The following EIF3H variants were observed in gnomAD, a reference collection of about 807,000 sequenced individuals.
The protein encoded by EIF3H is eIF-3-gamma.
In EIF3H, 26 loss-of-function variants were observed where a neutral mutation model predicts 44.2. The ratio of observed to expected loss-of-function variants is 0.59; its 90% confidence interval spans 0.43 to 0.82. The LOEUF (loss-of-function observed/expected upper bound fraction) is 0.82. Among genes scored for constraint, EIF3H ranks in the 40% least tolerant of loss-of-function variants. The pLI is 0.00. For synonymous variants in EIF3H, 166 were observed against 151.9 expected (o/e 1.09, Z -0.68); for missense variants, 359 against 432.8 (o/e 0.83, Z 1.51).
At chr8:116,742,943 C>T (rs1815155361) in intron 1 of EIF3H, among the ~76,000 whole-genome samples, 1 of 152,158 alleles carries the variant, frequency 6.6e-6, no homozygotes, top group South Asian at 2.1e-4. Context: ...AAAAAGCGCA[C>T]CACAGTAAGT....
At chr8:116,713,276 T>C (rs1352067263) in intron 2 of EIF3H, among the ~76,000 whole-genome samples, 1 of 152,108 alleles carries the variant, frequency 6.6e-6, no homozygotes, top group Non-Finnish European at 1.5e-5. Context: ...TGCACAAAAT[T>C]TGAACAGGTT....
intron 1 of EIF3H, among the ~76,000 whole-genome samples, chr8:116,731,163 T>C (rs897734850): frequency 1.3e-5 from 2 of 152,232 alleles, no homozygotes; most frequent in African/African-American, 4.8e-5. Context: ...TTGTGATACA[T>C]ATACACTCAG....
chr8:116,679,201 C>T (rs1242425134), intron 2 of EIF3H, among the ~76,000 whole-genome samples: 16 of 70,524 alleles, frequency 2.3e-4, no homozygotes, highest in East Asian at 5.8e-4. Flanking sequence ...CCAGCCGCCC[C>T]GTCCGGGAGG....
At chr8:116,680,854 AAAG>A (rs953245606) in intron 2 of EIF3H, among the ~76,000 whole-genome samples, 16 of 151,402 alleles carry the variant, frequency 1.1e-4, no homozygotes, top group South Asian at 6.3e-4. Context: ...AAATAAAAAA[AAAG>A]AAAGTTAGCA....
intron 1 of EIF3H, among the ~76,000 whole-genome samples, chr8:116,730,448 G>A (rs1032344649): frequency 5.3e-5 from 8 of 152,002 alleles, no homozygotes; most frequent in South Asian, 2.1e-4. Context: ...TCACATCCCC[G>A]CAACCCCCCA....
At chr8:116,745,674 T>C (rs1455965527) in intron 1 of EIF3H, among the ~76,000 whole-genome samples, 2 of 152,194 alleles carry the variant, frequency 1.3e-5, no homozygotes, top group South Asian at 2.1e-4. Flanking sequence ...CTCATCCCTA[T>C]AATCTCAGCA....
chr8:116,747,980 G>A (rs193228754), intron 1 of EIF3H, among the ~76,000 whole-genome samples: 38 of 151,940 alleles, frequency 2.5e-4, no homozygotes, highest in African/African-American at 8.9e-4. Flanking sequence ...GCGTGGTGGC[G>A]CATGCCTGTA....
intron 1 of EIF3H, among the ~76,000 whole-genome samples, chr8:116,765,076 A>C (rs1815556289): frequency 6.6e-6 from 1 of 152,160 alleles, no homozygotes; most frequent in African/African-American, 2.4e-5. Context: ...AAAATGTTTT[A>C]ACTGTTTTGC....
At chr8:116,745,068 G>A (rs1263033577) in intron 1 of EIF3H, among the ~76,000 whole-genome samples, 2 of 152,184 alleles carry the variant, frequency 1.3e-5, no homozygotes, top group Non-Finnish European at 2.9e-5. Flanking sequence ...ACCAGTTGAA[G>A]CAAAAGGTGA....
At chr8:116,743,769 C>CATATATATATATATAT (rs150883678) in intron 1 of EIF3H, among the ~76,000 whole-genome samples, 4 of 96,992 alleles carry the variant, frequency 4.1e-5, no homozygotes, top group Admixed American at 1.1e-4. Flanking sequence ...AAAATACATA[C>CATATATATATATATAT]ATATATATAT....
At chr8:116,733,831 A>C (rs1814989168) in intron 1 of EIF3H, among the ~76,000 whole-genome samples, 1 of 152,220 alleles carries the variant, frequency 6.6e-6, no homozygotes, top group African/African-American at 2.4e-5. Context: ...ATATTTTATA[A>C]AACAAGGTAA....
At chr8:116,746,219 A>G (rs1332649540) in intron 1 of EIF3H, among the ~76,000 whole-genome samples, 1 of 152,244 alleles carries the variant, frequency 6.6e-6, no homozygotes, top group African/African-American at 2.4e-5. Flanking sequence ...TAAAGTTAGA[A>G]GTCTGTAAGA....
In EIF3H at chr8:116,738,840, G is replaced by T. The variant is rs1327907963; in HGVS notation, c.133-12668C>A. Among the ~76,000 whole-genome samples, 3 of 152,148 alleles carry T rather than the reference G, an allele frequency of 2.0e-5. No individual in the cohort carries two copies. The East Asian group carries it at 5.8e-4, about 29-fold the overall frequency. On this transcript the variant is annotated intron_variant, in intron 1 of 7. Coordinates refer to ENST00000521861, the MANE Select transcript of EIF3H (RefSeq NM_003756.3). Reference sequence around the variant, plus strand: ...ACATTTCACAGTATTAAAAAACACTGAATTATTAAAATGTTTTACCACTAA... The same window carrying T: ...ACATTTCACAGTATTAAAAAACACTTAATTATTAAAATGTTTTACCACTAA...
At chr8:116,667,280 T>G (rs190735664) in intron 2 of EIF3H, among the ~76,000 whole-genome samples, 8 of 152,252 alleles carry the variant, frequency 5.3e-5, no homozygotes, top group African/African-American at 1.7e-4. Context: ...TGAATGAAAT[T>G]ACCCTAACCC....
intron 1 of EIF3H, among the ~76,000 whole-genome samples, chr8:116,743,773 T>C (rs867356084): frequency 8.2e-4 from 71 of 86,202 alleles, no homozygotes; most frequent in East Asian, 4.7e-3. Flanking sequence ...TACATACATA[T>C]ATATATATAT....
intron 2 of EIF3H, among the ~76,000 whole-genome samples, chr8:116,701,896 C>A (rs1329467358): frequency 6.6e-6 from 1 of 152,138 alleles, no homozygotes; most frequent in Non-Finnish European, 1.5e-5. Context: ...TGAATAAATT[C>A]TGCATTTTAG....
intron 4 of EIF3H, among the ~76,000 whole-genome samples, chr8:116,656,435 A>G (rs1293827859): frequency 6.6e-6 from 1 of 152,222 alleles, no homozygotes; most frequent in Non-Finnish European, 1.5e-5. Context: ...AACAAGTAGC[A>G]GAACACAAGG....
intron 2 of EIF3H, among the ~76,000 whole-genome samples, chr8:116,714,126 G>A (rs910934625): frequency 6.6e-6 from 1 of 152,072 alleles, no homozygotes; most frequent in Non-Finnish European, 1.5e-5. Context: ...CAATAAAGAT[G>A]TCAAATAAAA....
intron 2 of EIF3H, among the ~76,000 whole-genome samples, chr8:116,681,767 TAAAC>T (rs1341181230): frequency 1.3e-5 from 2 of 151,826 alleles, no homozygotes; most frequent in Non-Finnish European, 2.9e-5. Context: ...TGACACAAGA[TAAAC>T]AATTCTTTTC....
Sources: allele counts gnomAD v4.1 joint callset (sites outside exome capture counted in the v4.1 genomes callset), GRCh38; gene constraint gnomAD v4.1.1; transcripts MANE v1.5; gene names NCBI Gene and HGNC (gene_info 2026-07-23, HGNC 2026-07-21).